SNAP91: variants seen among roughly 807,000 people sequenced by gnomAD.
SNAP91 encodes the protein clathrin coat assembly protein AP180.
A neutral mutation model predicts 100.3 loss-of-function variants in SNAP91; 27 were observed. The observed-to-expected ratio is 0.27, with a 90% confidence interval of 0.20 to 0.37. SNAP91 has a LOEUF of 0.37. SNAP91 is among the 10% of genes least tolerant of loss of function. SNAP91 has a pLI of 1.00. For missense variants in SNAP91, 986 were observed against 1,123.7 expected (o/e 0.88, Z 1.75); for synonymous variants, 404 against 398.6 (o/e 1.01, Z -0.16).
chr6:83,692,119 A>G (rs2099138673), intron 2 of SNAP91, among the ~76,000 whole-genome samples: 1 of 152,216 alleles, frequency 6.6e-6, no homozygotes, highest in African/African-American at 2.4e-5. Context: ...TATTCTGCTT[A>G]CAGTATTGAA....
intron 9 of SNAP91, among the ~76,000 whole-genome samples, chr6:83,620,906 G>A (rs569390649): frequency 1.8e-4 from 28 of 151,366 alleles, no homozygotes; most frequent in Admixed American, 1.4e-3. Flanking sequence ...TAGTTGAGAC[G>A]GGGTTTCACC....
intron 26 of SNAP91, among the ~76,000 whole-genome samples, chr6:83,564,990 A>T (rs1794572783): frequency 6.6e-6 from 1 of 151,292 alleles, no homozygotes; most frequent in South Asian, 2.1e-4. Context: ...TGAGATAAAA[A>T]TATTGGCAAA....
intron 29 of SNAP91, among the ~76,000 whole-genome samples, chr6:83,554,738 A>T (rs998983025): frequency 1.3e-5 from 2 of 152,282 alleles, no homozygotes; most frequent in East Asian, 3.9e-4. Context: ...GTGACAGAAT[A>T]GAAGAGAACA....
chr6:83,570,731 T>C (rs11755225), intron 26 of SNAP91, among the ~76,000 whole-genome samples: 26,737 of 152,188 alleles, frequency 0.18, 3,016 homozygotes, highest in South Asian at 0.27. Flanking sequence ...ACATGTGGTG[T>C]TGAGCCACAG....
rs146549228 is a variant in SNAP91 at position 83,679,601 on chromosome 6, C to G, written c.131-14020G>C. 4.5e-4 allele frequency among the ~76,000 whole-genome samples: 68 copies of G among 152,256 alleles called. 2 individuals are homozygous for G. In the East Asian group the frequency reaches 0.011, roughly 26 times the overall value. On this transcript the variant is annotated intron_variant, in intron 2 of 29. Transcript: ENST00000369694. ...TCTGAGATCCTTGACCAGGCCAACCCGTTCCATTCTCTTCTATCCAACAGG... is the reference window on the plus strand; with the variant it reads ...TCTGAGATCCTTGACCAGGCCAACCGGTTCCATTCTCTTCTATCCAACAGG...
intron 2 of SNAP91, among the ~76,000 whole-genome samples, chr6:83,697,324 GCACA>G (rs57251608): frequency 0.015 from 2,125 of 138,122 alleles, 22 homozygotes; most frequent in African/African-American, 0.025. Flanking sequence ...GAAAATAGCT[GCACA>G]CACACACACA....
intron 2 of SNAP91, among the ~76,000 whole-genome samples, chr6:83,705,839 T>C (rs985035435): frequency 6.6e-6 from 1 of 151,830 alleles, no homozygotes; most frequent in Non-Finnish European, 1.5e-5. Context: ...GAAAGTTAAT[T>C]ACCCTCCCTG....
At chr6:83,695,668 G>C (rs963133985) in intron 2 of SNAP91, among the ~76,000 whole-genome samples, 1 of 152,032 alleles carries the variant, frequency 6.6e-6, no homozygotes, top group African/African-American at 2.4e-5. Flanking sequence ...CAGCAATTGA[G>C]TGCTCGCTTC....
intron 26 of SNAP91, among the ~76,000 whole-genome samples, chr6:83,567,393 T>A (rs1323820604): frequency 6.6e-6 from 1 of 152,054 alleles, no homozygotes; most frequent in African/African-American, 2.4e-5. Flanking sequence ...CCGAAAACCA[T>A]AAAAACCCTA....
chr6:83,629,578 G>T (rs995513291), intron 8 of SNAP91, among the ~76,000 whole-genome samples: 2 of 151,980 alleles, frequency 1.3e-5, no homozygotes, highest in Non-Finnish European at 2.9e-5. Context: ...CACCTCCTCG[G>T]TTCGGTATAT....
chr6:83,601,537 A>T (rs750357812), intron 15 of SNAP91, 48 bp downstream of exon 15: 3 of 1,612,268 alleles, frequency 1.9e-6, no homozygotes, highest in Non-Finnish European at 1.7e-6. Flanking sequence ...CAGTTGTTAC[A>T]TACAGAAGTC....
At chr6:83,564,818 T>TA in intron 26 of SNAP91, among the ~76,000 whole-genome samples, 1 of 151,722 alleles carries the variant, frequency 6.6e-6, no homozygotes, top group African/African-American at 2.4e-5. Flanking sequence ...AAGAAACAGG[T>TA]AAAAAATTTC....
chr6:83,681,919 A>G (rs2098995079), intron 2 of SNAP91, among the ~76,000 whole-genome samples: 1 of 152,184 alleles, frequency 6.6e-6, no homozygotes, highest in African/African-American at 2.4e-5. Context: ...AGGACCCATT[A>G]TCAAGTAACA....
intron 26 of SNAP91, among the ~76,000 whole-genome samples, chr6:83,566,811 T>A (rs1312647458): frequency 6.6e-6 from 1 of 152,118 alleles, no homozygotes; most frequent in East Asian, 1.9e-4. Flanking sequence ...CAAGCAGAGA[T>A]CAACAACTAA....
At chr6:83,691,003 C>T (rs2099123890) in intron 2 of SNAP91, among the ~76,000 whole-genome samples, 1 of 151,980 alleles carries the variant, frequency 6.6e-6, no homozygotes, top group Non-Finnish European at 1.5e-5. Flanking sequence ...AAAATGGTAC[C>T]TCTAAGTCAA....
At chr6:83,664,554 T>C (rs1018427432) in intron 3 of SNAP91, among the ~76,000 whole-genome samples, 15 of 152,112 alleles carry the variant, frequency 9.9e-5, no homozygotes, top group African/African-American at 3.6e-4. Context: ...ACATGGAGCC[T>C]GAAGATGGGA....
At chr6:83,660,975 T>G (rs2098532572) in intron 5 of SNAP91, among the ~76,000 whole-genome samples, 1 of 151,986 alleles carries the variant, frequency 6.6e-6, no homozygotes, top group Admixed American at 6.6e-5. Flanking sequence ...AGAGAAAGTC[T>G]CACTGCATTG....
At chr6:83,678,494 G>C (rs373062180) in intron 2 of SNAP91, among the ~76,000 whole-genome samples, 4 of 152,158 alleles carry the variant, frequency 2.6e-5, no homozygotes, top group African/African-American at 9.7e-5. Context: ...TCAGTTTTCT[G>C]TTCCAATCAA....
At position 83,645,674 on chromosome 6, in the gene SNAP91, C is replaced by T. The variant is rs183167733; in HGVS notation, c.659-4472G>A. On this transcript the variant is annotated intron_variant, in intron 7 of 29. Transcript: ENST00000369694. ...CCAGCTTGGGCAACATAGCAAGCCC[C>T]TATGTCTACAAAAAAAAAATTCAAA... 2.6e-5 allele frequency among the ~76,000 whole-genome samples: 4 copies of T among 151,950 alleles called. No individual in the cohort carries two copies. In the East Asian group the frequency reaches 7.8e-4, roughly 29 times the overall value.
Sources: gnomAD v4.1 joint callset for allele counts (sites outside exome capture counted in the v4.1 genomes callset) on GRCh38, gnomAD v4.1.1 for gene constraint, MANE v1.5 for transcripts, NCBI Gene and HGNC (gene_info 2026-07-23, HGNC 2026-07-21) for gene names.